PCDHGB2: variants seen among roughly 807,000 people sequenced by gnomAD.
PCDHGB2 encodes protocadherin gamma subfamily B, 2.
Under a neutral mutation model 59.3 loss-of-function variants are expected in PCDHGB2, and 55 were observed. That is an observed-to-expected ratio of 0.93 (90% CI 0.75 to 1.16). PCDHGB2 has a LOEUF of 1.16. Among genes scored for constraint, PCDHGB2 ranks in the 50% most tolerant of loss-of-function variants. The pLI is 0.00. For missense variants in PCDHGB2, 1,228 were observed against 1,198.5 expected, an observed-to-expected ratio of 1.02 and a Z score of -0.36; for synonymous variants, 516 against 512.0, an observed-to-expected ratio of 1.01 and a Z score of -0.11.
chr5:141,474,772 G>A (rs1053853138), intron 1 of PCDHGB2, among the ~76,000 whole-genome samples: 2 of 152,182 alleles, frequency 1.3e-5, no homozygotes, highest in Non-Finnish European at 2.9e-5. Flanking sequence ...AATAGTATGA[G>A]GCTCTAACAC....
chr5:141,393,535 T>G, intron 1 of PCDHGB2: 1 of 1,613,888 alleles, frequency 6.2e-7, no homozygotes, highest in Non-Finnish European at 8.5e-7. Context: ...AATGCCCCGG[T>G]TTTTCCTCAC....
At chr5:141,414,396 A>G in intron 1 of PCDHGB2, 1 of 1,613,884 alleles carries the variant, frequency 6.2e-7, no homozygotes, top group Non-Finnish European at 8.5e-7. Flanking sequence ...GTTATTACAG[A>G]TTGGTGATAC....
In PCDHGB2 at chr5:141,390,133, A is replaced by G. The variant is rs1394678030; in HGVS notation, c.2421+27577A>G. ...AGCGAGGGGACTTTGCCTTATTCCT[A>G]CAATCTATGTGTTGCACATACAGGA... On this transcript the variant is annotated intron_variant, in intron 1 of 3. Coordinates refer to ENST00000522605, the MANE Select transcript of PCDHGB2 (RefSeq NM_018923.3). The G allele has an allele frequency of 3.1e-6, 5 of 1,614,040 alleles. No individual in the cohort carries two copies. The South Asian group carries it at 5.5e-5, about 18-fold the overall frequency.
rs1304750292 is a variant in PCDHGB2 at position 141,383,376 on chromosome 5, T to A, written c.2421+20820T>A. 7 of 1,613,980 alleles carry A rather than the reference T, an allele frequency of 4.3e-6. No homozygotes were observed. Among genetic ancestry groups the A allele is most frequent in the Non-Finnish European group, 5.1e-6 (6 of 1,179,894 alleles). ...GGTTTCCGTTAAGCGAGGCTGGGGA[T>A]CCAGATGTGGGCACGAACTCCCTCC... is the stretch of plus-strand genomic sequence containing the variant. On this transcript the variant is annotated intron_variant, in intron 1 of 3. Coordinates refer to ENST00000522605, the MANE Select transcript of PCDHGB2 (RefSeq NM_018923.3).
intron 1 of PCDHGB2, chr5:141,374,479 A>T (rs756371683): frequency 1.2e-6 from 2 of 1,611,840 alleles, no homozygotes; most frequent in Non-Finnish European, 1.7e-6. Flanking sequence ...ATACACCCCG[A>T]TTCTTAAAGG....
At chr5:141,410,858 T>A in intron 1 of PCDHGB2, 1 of 436,188 alleles carries the variant, frequency 2.3e-6, no homozygotes, top group Non-Finnish European at 3.8e-6. Context: ...TCTTTTTTTT[T>A]TTTTTTTTTT....
At chr5:141,430,918 G>T (rs766412276) in intron 1 of PCDHGB2, 2 of 1,607,866 alleles carry the variant, frequency 1.2e-6, no homozygotes, top group South Asian at 2.2e-5. Context: ...GGGACCTGGG[G>T]CTGGAGCCCC....
chr5:141,366,329 A>G (rs1342085917), intron 1 of PCDHGB2: 1 of 1,613,868 alleles, frequency 6.2e-7, no homozygotes, highest in South Asian at 1.1e-5. Flanking sequence ...CGTGGCCGAC[A>G]GGATCCCTGA....
rs983998465 is a variant in PCDHGB2 at position 141,494,817 on chromosome 5, C to T, written c.2432C>T (p.Pro811Leu). ...ASDTILKQAP[P>L]NTDWRFSQAQ... ...CTGTTTTCTCCACAGCAAGCCCCGC[C>T]CAACACGGACTGGCGTTTCTCTCAG... The change falls in exon 2 of 4, where the codon CCC becomes CTC. Residue 811 changes from proline to leucine, a missense_variant. Around this residue, in one of 3 missense-constraint regions of PCDHGB2, gnomAD observed 433 missense variants for 441.8 expected, o/e 0.98. Transcript: ENST00000522605. 1.2e-6 allele frequency: 2 copies of T among 1,614,016 alleles called. No individual in the cohort carries two copies. Among genetic ancestry groups the T allele is most frequent in the Non-Finnish European group, 1.7e-6 (2 of 1,180,026 alleles).
At chr5:141,478,305 C>G in intron 1 of PCDHGB2, 1 of 1,614,092 alleles carries the variant, frequency 6.2e-7, no homozygotes, top group Non-Finnish European at 8.5e-7. Context: ...TACCGAGCCC[C>G]GGTGAGCTCA....
intron 1 of PCDHGB2, among the ~76,000 whole-genome samples, chr5:141,463,541 C>T (rs1423301726): frequency 2.7e-5 from 4 of 150,402 alleles, no homozygotes; most frequent in East Asian, 2.0e-4. Flanking sequence ...CTCCGGCTCC[C>T]GGGTTCATGC....
At chr5:141,362,732 A>G in intron 1 of PCDHGB2, 176 bp downstream of exon 1, 4 of 795,358 alleles carry the variant, frequency 5.0e-6, no homozygotes. Flanking sequence ...TGTGAGATTT[A>G]TTTACCCATG....
chr5:141,417,940 C>T (rs757819377), intron 1 of PCDHGB2: 2 of 1,613,054 alleles, frequency 1.2e-6, no homozygotes, highest in South Asian at 1.1e-5. Context: ...TGTTCTACCC[C>T]ACGCTGTGTG....
intron 1 of PCDHGB2, 106 bp from the exon 2 acceptor site, chr5:141,494,701 C>T: frequency 6.3e-7 from 1 of 1,594,596 alleles, no homozygotes; most frequent in Admixed American, 1.7e-5. Flanking sequence ...CCGTTTTCTT[C>T]TCTGTGCCCA....
At chr5:141,466,094 C>T (rs1462266046) in intron 1 of PCDHGB2, among the ~76,000 whole-genome samples, 1 of 152,040 alleles carries the variant, frequency 6.6e-6, no homozygotes, top group Non-Finnish European at 1.5e-5. Flanking sequence ...TGCACTCCAG[C>T]CTGGGCAACA....
intron 1 of PCDHGB2, among the ~76,000 whole-genome samples, chr5:141,457,863 C>A (rs2098930968): frequency 6.6e-6 from 1 of 152,194 alleles, no homozygotes; most frequent in Non-Finnish European, 1.5e-5. Flanking sequence ...TCTTCACTGA[C>A]CACAGGTTAG....
chr5:141,478,307 G>T, intron 1 of PCDHGB2: 3 of 1,614,056 alleles, frequency 1.9e-6, no homozygotes, highest in Non-Finnish European at 2.5e-6. Context: ...CCGAGCCCCG[G>T]TGAGCTCACT....
At position 141,394,528 on chromosome 5, in the gene PCDHGB2, C is replaced by T. The variant is rs1465272752; in HGVS notation, c.2421+31972C>T. Reference sequence around the variant, plus strand: ...TACCCCGCCCTCCCCACAGACGGTTCCACTGGCGTGGAGCTGGCGCCCCGC... The same window carrying T: ...TACCCCGCCCTCCCCACAGACGGTTTCACTGGCGTGGAGCTGGCGCCCCGC... On this transcript the variant is annotated intron_variant, in intron 1 of 3. Transcript: ENST00000522605. 3 of 1,614,096 alleles carry T rather than the reference C, an allele frequency of 1.9e-6. No individual in the cohort carries two copies. The highest frequency in any genetic ancestry group is 2.5e-6 in the Non-Finnish European group (3 of 1,180,058).
chr5:141,415,730 G>A lies in PCDHGB2; in HGVS notation c.2421+53174G>A. On this transcript the variant is annotated intron_variant, in intron 1 of 3. Transcript: ENST00000522605. Reference sequence around the variant, plus strand: ...AAAACACTGATGAGTAGAATTTGATGTTTATTAAGGTTTTTTTTTTTTTTT... The same window carrying A: ...AAAACACTGATGAGTAGAATTTGATATTTATTAAGGTTTTTTTTTTTTTTT... 4 of 476,826 alleles carry A rather than the reference G, an allele frequency of 8.4e-6. No individual in the cohort carries two copies. The South Asian group carries it at 2.0e-4, about 24-fold the overall frequency. The allele number at this position is 476,826 out of a possible 1,614,324, so 29.5% of individuals were successfully genotyped here. A position where few individuals can be genotyped will look rare whatever the true frequency, so the allele number is the denominator to read the frequency against.
Sources: allele counts gnomAD v4.1 joint callset (sites outside exome capture counted in the v4.1 genomes callset), GRCh38; gene constraint gnomAD v4.1.1; regional missense constraint gnomAD v4.1.1; transcripts MANE v1.5; gene names NCBI Gene and HGNC (gene_info 2026-07-23, HGNC 2026-07-21).